EHD4: variants seen among roughly 807,000 people sequenced by gnomAD.
The protein encoded by EHD4 is EH domain containing 4.
In EHD4, 37 loss-of-function variants were observed where a neutral mutation model predicts 51.0. The ratio of observed to expected loss-of-function variants is 0.73; its 90% CI spans 0.56 to 0.95. The LOEUF (loss-of-function observed/expected upper bound fraction) is 0.95, where lower values mean the gene tolerates loss of function less well. Ranked by LOEUF, EHD4 falls within the 40% of genes least tolerant of loss-of-function variation. The pLI, the probability that EHD4 is intolerant of heterozygous loss-of-function variation, is 0.00. For missense variants in EHD4, 632 were observed against 733.1 expected (o/e 0.86, Z 1.59); for synonymous variants, 297 against 317.3 (o/e 0.94, Z 0.68).
chr15:41,948,019 G>A (rs201580186), intron 2 of EHD4, among the ~76,000 whole-genome samples: 12 of 49,128 alleles, frequency 2.4e-4, no homozygotes, highest in Non-Finnish European at 2.2e-4. Context: ...CACTTTGGGA[G>A]GCCAAGGCAG....
intron 4 of EHD4, among the ~76,000 whole-genome samples, chr15:41,918,273 C>T (rs375591435): frequency 1.1e-3 from 166 of 152,042 alleles, no homozygotes; most frequent in African/African-American, 3.8e-3. Flanking sequence ...CATATTCACA[C>T]AAGGCCATGT....
At chr15:41,916,646 A>T (rs2140987363) in intron 4 of EHD4, among the ~76,000 whole-genome samples, 1 of 152,336 alleles carries the variant, frequency 6.6e-6, no homozygotes, top group Middle Eastern at 3.4e-3. Context: ...TCAGCGGTGG[A>T]ACATGAAACT....
At chr15:41,963,163 C>T (rs1595546841) in intron 1 of EHD4, among the ~76,000 whole-genome samples, 2 of 152,118 alleles carry the variant, frequency 1.3e-5, no homozygotes, top group South Asian at 4.1e-4. Flanking sequence ...TGCGGAAGGC[C>T]GCAGGGTCCT....
rs1015146092 is a variant in EHD4 at position 41,945,416 on chromosome 15, G to A, written c.414-2252C>T. Among the ~76,000 whole-genome samples, 11 of 152,202 alleles carry A rather than the reference G, an allele frequency of 7.2e-5. No homozygotes were observed. The East Asian group carries it at 7.7e-4, about 11-fold the overall frequency. The stretch of plus-strand genomic sequence containing the variant: ...CACGGGAGCCACAGAGCAAGCCACC[G>A]TGAGATGTGCTGACGTCACCACATG... On this transcript the variant is annotated intron_variant, in intron 2 of 5. Transcript: ENST00000220325.
chr15:41,969,689 C>A (rs1353648292), intron 1 of EHD4, among the ~76,000 whole-genome samples: 1 of 152,182 alleles, frequency 6.6e-6, no homozygotes, highest in Non-Finnish European at 1.5e-5. Context: ...TGGACACAAG[C>A]CTGGGTGAGC....
At chr15:41,929,294 T>A (rs1170632460) in intron 3 of EHD4, among the ~76,000 whole-genome samples, 1 of 152,238 alleles carries the variant, frequency 6.6e-6, no homozygotes, top group Non-Finnish European at 1.5e-5. Context: ...TCACAGCCTG[T>A]CCCTCCTTCC....
At chr15:41,925,334 G>A (rs1378312125) in intron 3 of EHD4, among the ~76,000 whole-genome samples, 6 of 152,198 alleles carry the variant, frequency 3.9e-5, no homozygotes, top group Non-Finnish European at 7.3e-5. Context: ...ACTCGAAGCG[G>A]CTAACCTGCA....
intron 3 of EHD4, among the ~76,000 whole-genome samples, chr15:41,936,440 AT>A: frequency 6.6e-6 from 1 of 152,338 alleles, no homozygotes; most frequent in South Asian, 2.1e-4. Flanking sequence ...ACAATGCACT[AT>A]GAGAGTATTA....
intron 1 of EHD4, among the ~76,000 whole-genome samples, chr15:41,966,737 T>G (rs2067964124): frequency 6.6e-6 from 1 of 152,226 alleles, no homozygotes; most frequent in Admixed American, 6.5e-5. Flanking sequence ...CCTGGTCTGA[T>G]GGGTTTCAGG....
At chr15:41,965,293 C>T (rs929582787) in intron 1 of EHD4, among the ~76,000 whole-genome samples, 5 of 152,140 alleles carry the variant, frequency 3.3e-5, no homozygotes, top group East Asian at 1.9e-4. Context: ...AAATGCTCAT[C>T]GTATCATATT....
intron 1 of EHD4, among the ~76,000 whole-genome samples, chr15:41,967,403 C>T (rs1380410996): frequency 6.6e-6 from 1 of 152,144 alleles, no homozygotes; most frequent in Non-Finnish European, 1.5e-5. Flanking sequence ...CTGGCCCCAA[C>T]CCTGAAATCA....
chr15:41,914,040 ATG>A (rs5812208), intron 4 of EHD4, among the ~76,000 whole-genome samples: 5 of 150,780 alleles, frequency 3.3e-5, no homozygotes, highest in Non-Finnish European at 4.4e-5. Context: ...GTGTCCAATG[ATG>A]TGTGTGTGTG....
chr15:41,914,249 G>A (rs985201275), intron 4 of EHD4, among the ~76,000 whole-genome samples: 1 of 152,216 alleles, frequency 6.6e-6, no homozygotes, highest in African/African-American at 2.4e-5. Context: ...ACTGTGCCAC[G>A]CTCATCTGCA....
At chr15:41,928,812 C>A (rs1162441619) in intron 3 of EHD4, 1 of 152,202 alleles carries the variant, frequency 6.6e-6, no homozygotes, top group Non-Finnish European at 1.5e-5. Context: ...AGCAATGGGA[C>A]CTGCTGATGA....
Position 41,900,794 on chromosome 15 carries a change from A to G in EHD4, c.1477T>C (p.Cys493Arg). The change falls in exon 6 of 6, where the codon TGC becomes CGC. Residue 493 changes from cysteine (C) to arginine (R), a missense_variant. Cys to Arg is a radical substitution (Grantham distance 180). Transcript: ENST00000220325. This position sits in a 1 kb window ranked among gnomAD's most constrained non-coding sequence, Gnocchi z 4.8. ...VLGKIWKLADCDCDGMLDEEE... is the reference protein window; with the variant it reads ...VLGKIWKLADRDCDGMLDEEE... ...TCATCAAGCATGCCGTCGCAGTCGC[A>G]GTCGGCCAGCTTCCAGATCTTGCCC... The G allele has an allele frequency of 6.2e-7, 1 of 1,614,198 alleles. No individual in the cohort carries two copies. Among genetic ancestry groups the G allele is most frequent in the Non-Finnish European group, 8.5e-7 (1 of 1,180,034 alleles).
intron 3 of EHD4, chr15:41,942,146 G>T (rs150760474): frequency 6.6e-6 from 1 of 152,132 alleles, no homozygotes; most frequent in Admixed American, 6.6e-5. Context: ...TGACCCTCCC[G>T]ATCAGGCATT....
intron 4 of EHD4, among the ~76,000 whole-genome samples, chr15:41,917,819 A>C (rs1294542822): frequency 6.6e-6 from 1 of 152,232 alleles, no homozygotes; most frequent in Non-Finnish European, 1.5e-5. Context: ...AGCTCTGGAA[A>C]GGAAGCCACT....
At chr15:41,964,253 A>G (rs2067946833) in intron 1 of EHD4, among the ~76,000 whole-genome samples, 1 of 152,100 alleles carries the variant, frequency 6.6e-6, no homozygotes, top group African/African-American at 2.4e-5. Flanking sequence ...GAAGACAACT[A>G]TATTTTATAA....
chr15:41,911,716 A>T (rs77495358), intron 4 of EHD4, among the ~76,000 whole-genome samples: 1 of 152,130 alleles, frequency 6.6e-6, no homozygotes, highest in Non-Finnish European at 1.5e-5. Flanking sequence ...GGGAAGCAGG[A>T]GGCCCCCACA....
Sources: gnomAD v4.1 joint callset for allele counts (sites outside exome capture counted in the v4.1 genomes callset) on GRCh38, gnomAD v4.1.1 for gene constraint, Gnocchi (gnomAD v3.1) non-coding constraint, MANE v1.5 for transcripts, NCBI Gene and HGNC (gene_info 2026-07-23, HGNC 2026-07-21) for gene names.